Variants in PPIE observed in about 807,000 individuals in gnomAD.
PPIE encodes the protein peptidylprolyl isomerase E.
In PPIE, 20 loss-of-function variants were observed where a neutral mutation model predicts 38.4. The ratio of observed to expected loss-of-function variants is 0.52; its 90% CI spans 0.37 to 0.76. The LOEUF is 0.76. PPIE is among the 30% of genes least tolerant of loss of function. The pLI, the probability that PPIE is intolerant of heterozygous loss-of-function variation, is 0.00. For missense variants in PPIE, 322 were observed against 385.8 expected (o/e 0.83, Z 1.39); for synonymous variants, 142 against 135.7 (o/e 1.05, Z -0.32).
rs192630898 is a variant in PPIE, at chr1:39,755,237, C to T, written c.*1882C>T. 9.5e-5 allele frequency: 94 copies of T among 985,478 alleles called. No homozygotes were observed. The African/African-American group carries it at 1.4e-3, about 15-fold the overall frequency. The allele number at this position is 985,478 out of a possible 1,614,324, so 61.0% of individuals were successfully genotyped here. ...GGTCACTCAGACCATTCAGAATCCA[C>T]TGAGCTGAGCTTTTGCATCTTGGAT... On this transcript the variant is annotated 3_prime_UTR_variant, in exon 10 of 10. Transcript: ENST00000324379.
chr1:39,760,925 G>A (rs1319517040), downstream of PPIE, among the ~76,000 whole-genome samples: 11 of 152,068 alleles, frequency 7.2e-5, no homozygotes, highest in East Asian at 2.1e-3. Flanking sequence ...TCCCCAAGGG[G>A]GAGCCTGGAA....
intron 7 of PPIE, 38 bp downstream of exon 7, chr1:39,745,536 G>T (rs779648459): frequency 6.2e-7 from 1 of 1,613,400 alleles, no homozygotes; most frequent in South Asian, 1.1e-5. Flanking sequence ...CGGGACGCTG[G>T]TGGCTGAGCA....
chr1:39,760,219 C>G (rs1648748533), downstream of PPIE: 6 of 910,100 alleles, frequency 6.6e-6, no homozygotes, highest in Non-Finnish European at 8.0e-6. Flanking sequence ...GGGCTGGAAA[C>G]AGGACAGTCA....
intron 4 of PPIE, chr1:39,742,258 C>T (rs1274519825): frequency 2.4e-5 from 5 of 211,410 alleles, no homozygotes; most frequent in Non-Finnish European, 3.8e-5. Flanking sequence ...AAGTGTTAGA[C>T]CAATTTACAA....
At position 39,756,142 on chromosome 1, in the gene PPIE, C is replaced by T. The variant is rs1372174897; in HGVS notation, c.*2787C>T. The T allele has an allele frequency of 4.1e-6, 4 of 985,358 alleles. No individual in the cohort carries two copies. The African/African-American group carries it at 7.0e-5, about 17-fold the overall frequency. The allele number at this position is 985,358 out of a possible 1,614,324, so 61.0% of individuals were successfully genotyped here. ...AGCCTGGCCACCTGCTTCGGCTACG[C>T]ACCATGCAGCAGCTGCACCTGGCTG... On this transcript the variant is annotated 3_prime_UTR_variant, in exon 10 of 10. Transcript: ENST00000324379.
chr1:39,750,223 T>G lies in PPIE; in HGVS notation c.694+1135T>G, dbSNP rs536085289. On this transcript the variant is annotated intron_variant, in intron 8 of 9. Transcript: ENST00000324379. The stretch of plus-strand genomic sequence containing the variant: ...TGGTCCCCCATCTTTTTTCAAGAAG[T>G]AAAAGCATAACTTCTTGAAAACATG... Among the ~76,000 whole-genome samples the G allele has an allele frequency of 5.3e-5, 8 of 152,284 alleles. No homozygotes were observed. In the South Asian group the frequency reaches 1.7e-3, roughly 32 times the overall value.
At chr1:39,742,014 A>G in intron 4 of PPIE, 93 bp downstream of exon 4, 2 of 1,397,328 alleles carry the variant, frequency 1.4e-6, no homozygotes, top group Admixed American at 3.7e-5. Flanking sequence ...TTCCAAAGTT[A>G]CAAGGTTGCA....
At position 39,753,372 on chromosome 1, in the gene PPIE, C is replaced by G. The variant is rs765000318; in HGVS notation, c.*17C>G. The G allele has an allele frequency of 5.0e-6, 8 of 1,612,238 alleles. No individual in the cohort carries two copies. Among genetic ancestry groups the G allele is most frequent in the Non-Finnish European group, 6.8e-6 (8 of 1,178,916 alleles). Reference sequence around the variant, plus strand: ...TACGTGTGAGGCGGCACTCTCTCTGCTTCCCCCTCCGCTCTTGACCCTGCA... The same window carrying G: ...TACGTGTGAGGCGGCACTCTCTCTGGTTCCCCCTCCGCTCTTGACCCTGCA... On this transcript the variant is annotated 3_prime_UTR_variant, in exon 10 of 10. Coordinates refer to ENST00000324379, the MANE Select transcript of PPIE (RefSeq NM_006112.4).
Position 39,740,279 on chromosome 1 carries a change from T to G in PPIE, c.130+16T>G. The G allele has an allele frequency of 6.3e-7, 1 of 1,590,288 alleles. No homozygotes were observed. The highest frequency in any genetic ancestry group is 8.6e-7 in the Non-Finnish European group (1 of 1,160,784). On this transcript the variant is annotated intron_variant, in intron 2 of 9. Transcript: ENST00000324379. ...TATGAAACAGGTGAGTTAGTGTCTC[T>G]CACGTTCAGAATCCTCTTACTAGGA... is the stretch of plus-strand genomic sequence containing the variant.
intron 8 of PPIE, 63 bp downstream of exon 8, chr1:39,749,151 A>C: frequency 6.7e-7 from 1 of 1,490,888 alleles, no homozygotes; most frequent in East Asian, 2.3e-5. Flanking sequence ...GCCAGGCAGG[A>C]TGGAAGGACA....
chr1:39,753,648 T>C lies in PPIE; in HGVS notation c.*293T>C. ...TTTGCTGCTGGGCCTCTCCTGGGAC[T>C]ACCAGTGTGGCTCTTACGTGTTTTC... On this transcript the variant is annotated 3_prime_UTR_variant, in exon 10 of 10. Coordinates refer to ENST00000324379, the MANE Select transcript of PPIE (RefSeq NM_006112.4). The C allele has an allele frequency of 7.9e-7, 1 of 1,259,378 alleles. No individual in the cohort carries two copies. The highest frequency in any genetic ancestry group is 1.0e-6 in the Non-Finnish European group (1 of 1,000,924). 78.0% of individuals were successfully genotyped at this position (1,259,378 alleles called of 1,614,324 possible).
chr1:39,742,213 T>C (rs1647075917), intron 4 of PPIE: 1 of 312,754 alleles, frequency 3.2e-6, no homozygotes, highest in Non-Finnish European at 5.9e-6. Flanking sequence ...TTGCACGGTG[T>C]AACTGCATAT....
chr1:39,758,318 C>G (rs947137016), downstream of PPIE: 3 of 152,256 alleles, frequency 2.0e-5, no homozygotes, highest in African/African-American at 7.2e-5. Flanking sequence ...GCAACCTCCA[C>G]CTCCCAGGTT....
chr1:39,749,021 T>G lies in PPIE; in HGVS notation c.627T>G (p.Thr209=). Residue 209 remains threonine (T), a synonymous_variant, in exon 8 of 10, where the codon ACT becomes ACG. Transcript: ENST00000324379. ...QGGDFTNHNG[T]GGKSIYGKKF... is the part of the protein sequence containing the mutation. ...GTGATTTCACAAACCACAATGGCAC[T>G]GGGGGCAAGTCCATCTATGGGAAGA... 6.2e-7 allele frequency: 1 copy of G among 1,612,394 alleles called. No individual in the cohort carries two copies. Among genetic ancestry groups the G allele is most frequent in the Non-Finnish European group, 8.5e-7 (1 of 1,179,592 alleles).
rs1006523441 is a variant in PPIE, at chr1:39,743,404, G to A, written c.283+107G>A. 7.9e-6 allele frequency: 7 copies of A among 890,528 alleles called. No individual in the cohort carries two copies. In the African/African-American group the frequency reaches 9.9e-5, roughly 13 times the overall value. The allele number at this position is 890,528 out of a possible 1,614,324, so 55.2% of individuals were successfully genotyped here. A position where few individuals can be genotyped will look rare whatever the true frequency, so the allele number is the denominator to read the frequency against. ...AGTAGATGCTAAATGCTGCTTCCTG[G>A]TAGATAGGAGTAGATGATGGTTCAC... On this transcript the variant is annotated intron_variant, in intron 5 of 9. Transcript: ENST00000324379.
chr1:39,759,061 T>C (rs566038250), downstream of PPIE: 4 of 152,418 alleles, frequency 2.6e-5, no homozygotes, highest in African/African-American at 9.6e-5. Context: ...TTTGGGCAGC[T>C]GGACTCTGTC....
chr1:39,743,034 A>G (rs978341308), intron 4 of PPIE, 182 bp from the exon 5 acceptor site: 1 of 559,030 alleles, frequency 1.8e-6, no homozygotes, highest in Non-Finnish European at 3.2e-6. Context: ...CTGCTATGAA[A>G]GAAAGGGGTG....
chr1:39,763,434 C>T (rs866887961), intron 9 of PPIE, among the ~76,000 whole-genome samples: 1 of 145,494 alleles, frequency 6.9e-6, no homozygotes, highest in African/African-American at 2.6e-5. Context: ...GAGCTGCAGT[C>T]GTAGCCAATG....
chr1:39,743,874 G>A lies in PPIE; in HGVS notation c.334G>A (p.Glu112Lys). 1.2e-6 allele frequency: 2 copies of A among 1,613,968 alleles called. No individual in the cohort carries two copies. Among genetic ancestry groups the A allele is most frequent in the African/African-American group, 1.3e-5 (1 of 75,048 alleles). The change falls in exon 6 of 10, where the codon GAG (glutamate) becomes AAG (lysine). Residue 112 changes from glutamate (E) to lysine (K), a missense_variant. Physicochemically the swap from Glu to Lys is moderately conservative, Grantham distance 56. Coordinates refer to ENST00000324379, the MANE Select transcript of PPIE (RefSeq NM_006112.4). The part of the protein sequence containing the change: ...LKKFSGKTLE[E>K]NKEEEGSEPP... Reference sequence around the variant, plus strand: ...GAAGTTTTCTGGGAAGACGCTTGAAGAGAATAAAGAGGAAGAAGGGTCAGA... The same window carrying A: ...GAAGTTTTCTGGGAAGACGCTTGAAAAGAATAAAGAGGAAGAAGGGTCAGA...
Sources: gnomAD v4.1 joint callset for allele counts (sites outside exome capture counted in the v4.1 genomes callset) on GRCh38, gnomAD v4.1.1 for gene constraint, MANE v1.5 for transcripts, NCBI Gene and HGNC (gene_info 2026-07-23, HGNC 2026-07-21) for gene names.